Variants in COL27A1 observed in about 807,000 individuals in gnomAD.
COL27A1 encodes the protein collagen alpha-1(XXVII) chain.
A neutral mutation model predicts 251.3 loss-of-function variants in COL27A1; 106 were observed. The ratio of observed to expected loss-of-function variants is 0.42; its 90% CI spans 0.36 to 0.50. COL27A1 has a LOEUF of 0.50. Ranked by LOEUF, COL27A1 falls within the 20% of genes least tolerant of loss-of-function variation. COL27A1 has a pLI of 0.00. For synonymous variants in COL27A1, 1,000 were observed against 986.3 expected, an observed-to-expected ratio of 1.01 and a Z score of -0.26; for missense variants, 2,325 against 2,522.8, an observed-to-expected ratio of 0.92 and a Z score of 1.68.
At chr9:114,222,317 G>A (rs560701950) in intron 14 of COL27A1, 50 bp downstream of exon 14, 5 of 1,555,604 alleles carry the variant, frequency 3.2e-6, no homozygotes, top group Non-Finnish European at 4.4e-6. Flanking sequence ...GGAGACTCAG[G>A]GTGGAGCCAG....
At chr9:114,303,247 T>C (rs1276073438) in intron 56 of COL27A1, among the ~76,000 whole-genome samples, 2 of 150,086 alleles carry the variant, frequency 1.3e-5, no homozygotes, top group African/African-American at 2.4e-5. Context: ...CTTTTCTTTT[T>C]TTTTTTTTTG....
chr9:114,275,559 G>T (rs533338052), intron 36 of COL27A1, 102 bp from the exon 37 acceptor site: 2 of 714,438 alleles, frequency 2.8e-6, no homozygotes, highest in East Asian at 2.9e-5. Context: ...GGACCAGTTG[G>T]CTGTGGATGC....
intron 24 of COL27A1, among the ~76,000 whole-genome samples, chr9:114,246,438 A>G (rs1833135375): frequency 6.6e-6 from 1 of 152,160 alleles, no homozygotes; most frequent in South Asian, 2.1e-4. Flanking sequence ...AGGTTTGAGG[A>G]TCACGACCTT....
intron 8 of COL27A1, 33 bp from the exon 9 acceptor site, chr9:114,205,726 C>A (rs367733900): frequency 6.8e-5 from 110 of 1,609,958 alleles, no homozygotes; most frequent in African/African-American, 9.4e-5. Flanking sequence ...CAGGGTCTTT[C>A]TTTTCCTTAT....
Position 114,178,740 on chromosome 9 carries a change from A to G in COL27A1, c.1962+396A>G, listed in dbSNP as rs12000003. 1.1e-4 allele frequency among the ~76,000 whole-genome samples: 17 copies of G among 152,224 alleles called. No individual in the cohort carries two copies. The South Asian group carries it at 2.1e-3, about 19-fold the overall frequency. On this transcript the variant is annotated intron_variant, in intron 4 of 60. Transcript: ENST00000356083. ...GCTCTCCTGGAGTAGGGGTGCGGAC[A>G]TAGGTACCTGGAGGGGCCATGCGGG...
chr9:114,299,600 CAG>C, intron 49 of COL27A1, among the ~76,000 whole-genome samples: 1 of 152,348 alleles, frequency 6.6e-6, no homozygotes, highest in African/African-American at 2.4e-5. Flanking sequence ...CATCTGTAAA[CAG>C]GGGATATGGT....
chr9:114,285,295 G>A (rs1335186271), intron 41 of COL27A1, among the ~76,000 whole-genome samples: 2 of 152,138 alleles, frequency 1.3e-5, no homozygotes, highest in Admixed American at 6.5e-5. Flanking sequence ...ATTCAGTAGA[G>A]GAGAGGAATT....
chr9:114,176,836 A>AT (rs1827497264), intron 3 of COL27A1, among the ~76,000 whole-genome samples: 1 of 152,110 alleles, frequency 6.6e-6, no homozygotes, highest in African/African-American at 2.4e-5. Flanking sequence ...CTCTCCTCTG[A>AT]TTTTTATTCA....
chr9:114,219,788 C>A lies in COL27A1; in HGVS notation c.2368-3C>A. 6.2e-7 allele frequency: 1 copy of A among 1,605,878 alleles called. No homozygotes were observed. The highest frequency in any genetic ancestry group is 8.5e-7 in the Non-Finnish European group (1 of 1,172,568). On this transcript the variant is annotated splice_region_variant and splice_polypyrimidine_tract_variant and intron_variant, in intron 12 of 60. Transcript: ENST00000356083. The stretch of plus-strand genomic sequence containing the variant: ...GATGTTTGTTCTCTCTCATGCCCTC[C>A]AGGGGTTTCCTGGAGTCTTTGGGGA...
intron 3 of COL27A1, among the ~76,000 whole-genome samples, chr9:114,177,047 T>G (rs1274731377): frequency 6.6e-6 from 1 of 152,220 alleles, no homozygotes. Flanking sequence ...AAGCCTGGCT[T>G]CCTTCAAAGG....
intron 25 of COL27A1, among the ~76,000 whole-genome samples, chr9:114,251,013 C>T (rs1312505490): frequency 6.6e-6 from 1 of 152,116 alleles, no homozygotes; most frequent in Non-Finnish European, 1.5e-5. Flanking sequence ...GATGAGGTTG[C>T]CTTGCTAAGC....
chr9:114,308,981 A>G (rs1829256213), intron 59 of COL27A1, among the ~76,000 whole-genome samples: 1 of 152,024 alleles, frequency 6.6e-6, no homozygotes. Context: ...AAGACCCCCC[A>G]TACAGTAAGG....
At chr9:114,184,955 G>A (rs1039470568) in intron 5 of COL27A1, among the ~76,000 whole-genome samples, 2 of 152,174 alleles carry the variant, frequency 1.3e-5, no homozygotes, top group Admixed American at 6.5e-5. Context: ...GACCAGTGGA[G>A]CCTGTCTCCT....
At chr9:114,289,162 C>CCCAA in intron 44 of COL27A1, 80 bp from the exon 45 acceptor site, 2 of 1,157,674 alleles carry the variant, frequency 1.7e-6, no homozygotes, top group Non-Finnish European at 2.5e-6. Context: ...CCCCACCCCT[C>CCCAA]CCCCTCCAGG....
chr9:114,299,759 T>A (rs115562036), intron 49 of COL27A1, among the ~76,000 whole-genome samples: 1 of 152,210 alleles, frequency 6.6e-6, no homozygotes, highest in African/African-American at 2.4e-5. Flanking sequence ...GGGAGGAGGC[T>A]GCAGGCCCTT....
intron 27 of COL27A1, among the ~76,000 whole-genome samples, chr9:114,255,136 C>T (rs1833835211): frequency 6.6e-6 from 1 of 152,174 alleles, no homozygotes; most frequent in South Asian, 2.1e-4. Flanking sequence ...TTGCCCTTTT[C>T]ATGAGAAGGA....
chr9:114,290,942 C>T lies in COL27A1; in HGVS notation c.4476+25C>T, dbSNP rs763038485. On this transcript the variant is annotated intron_variant, in intron 48 of 60. Coordinates refer to ENST00000356083, the MANE Select transcript of COL27A1 (RefSeq NM_032888.4). The surrounding 1 kb of genome is among the most constrained non-coding windows in gnomAD (Gnocchi z 4.6). Reference sequence around the variant, plus strand: ...GGTCAGATACCTCTTAATACACTTACCCACCCTCTGCCCTTTCTGCCTTGA... The same window carrying T: ...GGTCAGATACCTCTTAATACACTTATCCACCCTCTGCCCTTTCTGCCTTGA... 144 of 1,502,028 alleles carry T rather than the reference C, an allele frequency of 9.6e-5. No homozygotes were observed. The highest frequency in any genetic ancestry group is 1.2e-4 in the Admixed American group (6 of 50,168). 93.0% of individuals were successfully genotyped at this position (1,502,028 alleles called of 1,614,324 possible).
At chr9:114,178,735 C>T (rs187112133) in intron 4 of COL27A1, among the ~76,000 whole-genome samples, 1 of 152,040 alleles carries the variant, frequency 6.6e-6, no homozygotes, top group Non-Finnish European at 1.5e-5. Flanking sequence ...AGTAGGGGTG[C>T]GGACATAGGT....
intron 5 of COL27A1, among the ~76,000 whole-genome samples, chr9:114,184,603 T>A (rs1828188732): frequency 6.6e-6 from 1 of 152,202 alleles, no homozygotes; most frequent in African/African-American, 2.4e-5. Flanking sequence ...TGCTCTGGGC[T>A]TTCACAGGGT....
Sources: gnomAD v4.1 joint callset for allele counts (sites outside exome capture counted in the v4.1 genomes callset) on GRCh38, gnomAD v4.1.1 for gene constraint, Gnocchi (gnomAD v3.1) non-coding constraint, MANE v1.5 for transcripts, NCBI Gene and HGNC (gene_info 2026-07-23, HGNC 2026-07-21) for gene names.